Variants in BEND3 observed in about 807,000 individuals in gnomAD.
BEND3 encodes the protein BEN domain-containing protein 3.
Under a neutral mutation model 60.1 loss-of-function variants are expected in BEND3, and 13 were observed. The observed-to-expected ratio is 0.22, with a 90% CI of 0.14 to 0.34. BEND3 has a LOEUF of 0.34. Ranked by LOEUF, BEND3 falls within the 10% of genes least tolerant of loss-of-function variation. BEND3 has a pLI of 1.00. For missense variants in BEND3, 896 were observed against 1,138.1 expected, an observed-to-expected ratio of 0.79 and a Z score of 3.06; for synonymous variants, 497 against 491.5, an observed-to-expected ratio of 1.01 and a Z score of -0.15.
chr6:107,084,549 C>T (rs1775300425), intron 3 of BEND3, among the ~76,000 whole-genome samples: 1 of 151,834 alleles, frequency 6.6e-6, no homozygotes, highest in Non-Finnish European at 1.5e-5. Flanking sequence ...TGTAAACACA[C>T]CTATCAGCAC....
intron 1 of BEND3, among the ~76,000 whole-genome samples, chr6:107,106,672 T>C (rs1237934504): frequency 2.0e-5 from 3 of 152,166 alleles, no homozygotes; most frequent in Non-Finnish European, 4.4e-5. Flanking sequence ...TGCAGCAGTA[T>C]GATCAGAGCT....
In BEND3 at chr6:107,070,649, C is replaced by G. The variant is rs782731628; in HGVS notation, c.542G>C (p.Ser181Thr). 1 of 1,612,418 alleles carries G rather than the reference C, an allele frequency of 6.2e-7. No homozygotes were observed. The highest frequency in any genetic ancestry group is 1.1e-5 in the South Asian group (1 of 91,012). Residue 181 changes from serine (S) to threonine (T), a missense_variant, in exon 4 of 4, where the codon AGC becomes ACC. Coordinates refer to ENST00000369042, the MANE Select transcript of BEND3 (RefSeq NM_001367314.1). This position sits in a 1 kb window ranked among gnomAD's most constrained non-coding sequence, Gnocchi z 6.9. ...LNEPQKRDCG[S>T]TGAGTDNDPN... ...GTCGTTGTCAGTGCCTGCCCCGGTG[C>G]TGCCACAGTCCCGCTTCTGTGGCTC... is the stretch of plus-strand genomic sequence containing the variant.
intron 1 of BEND3, among the ~76,000 whole-genome samples, chr6:107,111,195 G>A (rs35590987): frequency 0.15 from 22,324 of 151,826 alleles, 1,972 homozygotes; most frequent in South Asian, 0.25. Context: ...TGACTCTCTA[G>A]GAGTGTATCA....
chr6:107,094,352 G>A (rs1008782317), intron 3 of BEND3, among the ~76,000 whole-genome samples: 2 of 152,280 alleles, frequency 1.3e-5, no homozygotes, highest in East Asian at 3.9e-4. Flanking sequence ...GCCGGGCGTG[G>A]TGGCTCATGC....
chr6:107,087,979 A>AAC (rs1314371242), intron 3 of BEND3, among the ~76,000 whole-genome samples: 6 of 150,482 alleles, frequency 4.0e-5, no homozygotes, highest in East Asian at 1.9e-4. Flanking sequence ...TAAAAAAAAA[A>AAC]AAAACACTGT....
chr6:107,079,925 C>T (rs1307859495), intron 3 of BEND3, among the ~76,000 whole-genome samples: 2 of 150,938 alleles, frequency 1.3e-5, no homozygotes, highest in Middle Eastern at 6.3e-3. Flanking sequence ...GAGACAGGGT[C>T]TCACTATGTT....
chr6:107,114,319 C>T (rs1221814870), intron 1 of BEND3: 1 of 152,158 alleles, frequency 6.6e-6, no homozygotes, highest in Non-Finnish European at 1.5e-5. Flanking sequence ...TCGCGCCAGC[C>T]CGGGTGCACA....
At chr6:107,089,235 T>C (rs1775420885) in intron 3 of BEND3, among the ~76,000 whole-genome samples, 1 of 152,188 alleles carries the variant, frequency 6.6e-6, no homozygotes, top group African/African-American at 2.4e-5. Context: ...ATATTCCACA[T>C]TCGTGATTCG....
At chr6:107,102,932 G>A (rs781800323) in intron 1 of BEND3, among the ~76,000 whole-genome samples, 2 of 152,192 alleles carry the variant, frequency 1.3e-5, no homozygotes, top group African/African-American at 2.4e-5. Flanking sequence ...GGCAGAACCT[G>A]GCTTCAAATC....
intron 1 of BEND3, among the ~76,000 whole-genome samples, chr6:107,109,765 TC>T (rs1388232206): frequency 6.6e-6 from 1 of 151,932 alleles, no homozygotes; most frequent in Non-Finnish European, 1.5e-5. Context: ...TCCCAGCTAC[TC>T]AGGAGGCTGA....
intron 1 of BEND3, among the ~76,000 whole-genome samples, chr6:107,111,142 G>A (rs1198117703): frequency 1.3e-5 from 2 of 152,154 alleles, no homozygotes; most frequent in African/African-American, 4.8e-5. Context: ...TCCAGGTTGG[G>A]TGAAAGAGAA....
In BEND3 at chr6:107,113,014, C is replaced by T. The variant is rs190721299; in HGVS notation, c.-12+2076G>A. ...TCTATTAAAAATACAAAAAATTAGCCGGGAGTGGTGGCACGCGCCTGTAGT... is the reference window on the plus strand; with the variant it reads ...TCTATTAAAAATACAAAAAATTAGCTGGGAGTGGTGGCACGCGCCTGTAGT... On this transcript the variant is annotated intron_variant, in intron 1 of 3. Transcript: ENST00000369042. Among the ~76,000 whole-genome samples, 942 of 151,976 alleles carry T rather than the reference C, an allele frequency of 6.2e-3. 13 individuals carry two copies. The highest frequency in any genetic ancestry group is 0.022 in the African/African-American group (904 of 41,468).
At chr6:107,081,222 CTT>C (rs371738822) in intron 3 of BEND3, among the ~76,000 whole-genome samples, 16 of 128,350 alleles carry the variant, frequency 1.2e-4, no homozygotes, top group Admixed American at 2.4e-4. Context: ...TTTACACAAA[CTT>C]TTTTTTTTTT....
chr6:107,093,211 A>C (rs1242445791), intron 3 of BEND3, among the ~76,000 whole-genome samples: 1 of 152,218 alleles, frequency 6.6e-6, no homozygotes, highest in Non-Finnish European at 1.5e-5. Flanking sequence ...CTGTAATCCC[A>C]GCACTTTGGG....
chr6:107,087,511 G>A (rs531315418), intron 3 of BEND3, among the ~76,000 whole-genome samples: 20 of 152,146 alleles, frequency 1.3e-4, no homozygotes, highest in Admixed American at 5.9e-4. Context: ...GGCCGAGGCC[G>A]GCGGATCACG....
intron 3 of BEND3, among the ~76,000 whole-genome samples, chr6:107,078,097 G>A (rs1285020604): frequency 2.6e-5 from 4 of 152,214 alleles, no homozygotes; most frequent in African/African-American, 9.6e-5. Flanking sequence ...TCCAACAGAG[G>A]TGCCAAATAA....
chr6:107,101,111 A>G (rs894146430), intron 1 of BEND3, among the ~76,000 whole-genome samples: 3 of 152,178 alleles, frequency 2.0e-5, no homozygotes, highest in Non-Finnish European at 4.4e-5. Context: ...CTGAGGCAGG[A>G]GAACTGCTTG....
chr6:107,113,207 C>G (rs563648650), intron 1 of BEND3, among the ~76,000 whole-genome samples: 1 of 150,832 alleles, frequency 6.6e-6, no homozygotes, highest in South Asian at 2.1e-4. Flanking sequence ...CTTTGGGAGG[C>G]CAGGCAGGCA....
At chr6:107,078,479 CAG>C (rs1478579829) in intron 3 of BEND3, among the ~76,000 whole-genome samples, 40 of 150,510 alleles carry the variant, frequency 2.7e-4, no homozygotes, top group African/African-American at 9.8e-4. Flanking sequence ...CTTTTTGAGA[CAG>C]AGTCTCACTG....
Sources: allele counts gnomAD v4.1 joint callset (sites outside exome capture counted in the v4.1 genomes callset), GRCh38; gene constraint gnomAD v4.1.1; non-coding constraint Gnocchi (gnomAD v3.1); transcripts MANE v1.5; gene names NCBI Gene and HGNC (gene_info 2026-07-23, HGNC 2026-07-21).